The following TAFA1 variants were observed in gnomAD, a reference collection of about 807,000 sequenced individuals.
TAFA1 encodes chemokine-like protein TAFA-1.
A neutral mutation model predicts 18.5 loss-of-function variants in TAFA1; 4 were observed. The ratio of observed to expected loss-of-function variants is 0.22; its 90% confidence interval spans 0.11 to 0.49. The LOEUF (loss-of-function observed/expected upper bound fraction) is 0.49, where lower values mean the gene tolerates loss of function less well. Ranked by LOEUF, TAFA1 falls within the 20% of genes least tolerant of loss-of-function variation. TAFA1 has a pLI of 0.98. For synonymous variants in TAFA1, 56 were observed against 55.2 expected (o/e 1.01, Z -0.06); for missense variants, 147 against 169.0 (o/e 0.87, Z 0.72).
intron 2 of TAFA1, among the ~76,000 whole-genome samples, chr3:68,233,305 TCTCTA>T (rs1442020272): frequency 2.6e-5 from 4 of 152,232 alleles, no homozygotes; most frequent in Non-Finnish European, 5.9e-5. Flanking sequence ...CTACAGCTTC[TCTCTA>T]CTCTGTTGAT....
chr3:68,273,530 G>A (rs1337025593), intron 2 of TAFA1, among the ~76,000 whole-genome samples: 2 of 152,176 alleles, frequency 1.3e-5, no homozygotes, highest in East Asian at 1.9e-4. Flanking sequence ...AGCTAAGCAG[G>A]TAAGATTACC....
In TAFA1 at chr3:68,046,350, G is replaced by A. The variant is rs140860453; in HGVS notation, c.118+39606G>A. 2.1e-3 allele frequency among the ~76,000 whole-genome samples: 325 copies of A among 152,166 alleles called. 1 individual carries two copies. The highest frequency in any genetic ancestry group is 7.2e-3 in the African/African-American group (300 of 41,520). Reference sequence around the variant, plus strand: ...CCTTAAAGCAAAGACATAGTTAACCGACTTCTAAATGTATAACTATTTCAT... The same window carrying A: ...CCTTAAAGCAAAGACATAGTTAACCAACTTCTAAATGTATAACTATTTCAT... On this transcript the variant is annotated intron_variant, in intron 2 of 4. Coordinates refer to ENST00000478136, the MANE Select transcript of TAFA1 (RefSeq NM_213609.4).
chr3:68,305,391 CTATATATGACTATATGACTATATA>C (rs2068387240), intron 2 of TAFA1, among the ~76,000 whole-genome samples: 1 of 82,352 alleles, frequency 1.2e-5, no homozygotes, highest in Non-Finnish European at 2.4e-5. Context: ...ATATATATGA[CTATATATGACTATATGACTATATA>C]TATATATATA....
At chr3:68,240,525 G>C (rs1456662425) in intron 2 of TAFA1, among the ~76,000 whole-genome samples, 2 of 152,182 alleles carry the variant, frequency 1.3e-5, no homozygotes, top group Non-Finnish European at 2.9e-5. Context: ...CAGCTGCATA[G>C]AGAGAAGGAG....
chr3:68,080,030 G>A (rs1242646618), intron 2 of TAFA1, among the ~76,000 whole-genome samples: 1 of 151,954 alleles, frequency 6.6e-6, no homozygotes, highest in South Asian at 2.1e-4. Flanking sequence ...AGGATAGTTA[G>A]CTCTTCTTGT....
At chr3:68,305,906 G>A (rs184226834) in intron 2 of TAFA1, among the ~76,000 whole-genome samples, 82 of 152,188 alleles carry the variant, frequency 5.4e-4, no homozygotes, top group Admixed American at 3.7e-3. Context: ...ACACTACAAG[G>A]CAGCTGTAAG....
At chr3:68,265,040 A>G (rs2067516200) in intron 2 of TAFA1, among the ~76,000 whole-genome samples, 1 of 152,228 alleles carries the variant, frequency 6.6e-6, no homozygotes, top group Admixed American at 6.5e-5. Flanking sequence ...AATATATGAA[A>G]TTTAAAAACT....
chr3:68,285,170 C>CA (rs773217092), intron 2 of TAFA1, among the ~76,000 whole-genome samples: 2 of 151,980 alleles, frequency 1.3e-5, no homozygotes, highest in East Asian at 1.9e-4. Flanking sequence ...AGAAGCAAGG[C>CA]AAAAAGAGTT....
chr3:68,343,865 T>A (rs1456859851), intron 2 of TAFA1, among the ~76,000 whole-genome samples: 1 of 152,230 alleles, frequency 6.6e-6, no homozygotes, highest in Admixed American at 6.5e-5. Flanking sequence ...ATTTTTGAGA[T>A]GGAGTTTTGC....
chr3:68,068,858 G>A (rs1052683850), intron 2 of TAFA1, among the ~76,000 whole-genome samples: 52 of 152,168 alleles, frequency 3.4e-4, no homozygotes, highest in African/African-American at 1.2e-3. Context: ...CGTATTATGT[G>A]AGAATTTGCG....
chr3:68,231,041 A>G (rs925500871), intron 2 of TAFA1, among the ~76,000 whole-genome samples: 8 of 152,172 alleles, frequency 5.3e-5, no homozygotes, highest in Non-Finnish European at 8.8e-5. Flanking sequence ...GTGTATTTTT[A>G]TCAAAGACAA....
At chr3:68,069,127 T>C (rs1039296730) in intron 2 of TAFA1, among the ~76,000 whole-genome samples, 1 of 152,324 alleles carries the variant, frequency 6.6e-6, no homozygotes, top group East Asian at 1.9e-4. Flanking sequence ...TAATGGTTTG[T>C]ATGCACCATA....
intron 2 of TAFA1, among the ~76,000 whole-genome samples, chr3:68,329,262 T>G (rs2068826234): frequency 7.1e-6 from 1 of 140,182 alleles, no homozygotes; most frequent in South Asian, 2.5e-4. Flanking sequence ...GAGACGGGGT[T>G]TCACCACGTT....
chr3:68,056,899 A>C (rs1372467251), intron 2 of TAFA1, among the ~76,000 whole-genome samples: 1 of 152,126 alleles, frequency 6.6e-6, no homozygotes, highest in Non-Finnish European at 1.5e-5. Flanking sequence ...GAGTAGGGAA[A>C]ATTAGCATTT....
intron 2 of TAFA1, among the ~76,000 whole-genome samples, chr3:68,191,737 G>A (rs1398264842): frequency 6.6e-6 from 1 of 151,684 alleles, no homozygotes; most frequent in African/African-American, 2.4e-5. Flanking sequence ...AACATATTAG[G>A]TAAACTTGGT....
intron 3 of TAFA1, among the ~76,000 whole-genome samples, chr3:68,536,920 T>C (rs1010939968): frequency 6.6e-6 from 1 of 152,212 alleles, no homozygotes; most frequent in Non-Finnish European, 1.5e-5. Context: ...TAAGGATATA[T>C]TTTTATCTAA....
At chr3:68,387,395 G>C (rs115234451) in intron 2 of TAFA1, among the ~76,000 whole-genome samples, 1 of 152,062 alleles carries the variant, frequency 6.6e-6, no homozygotes, top group African/African-American at 2.4e-5. Context: ...TTGATTAAAC[G>C]TAATGTTCGT....
intron 2 of TAFA1, among the ~76,000 whole-genome samples, chr3:68,224,838 TG>T (rs2066776334): frequency 6.7e-6 from 1 of 149,194 alleles, no homozygotes; most frequent in African/African-American, 2.5e-5. Flanking sequence ...CCAGGAGGTG[TG>T]GGCCTGTGAT....
intron 3 of TAFA1, among the ~76,000 whole-genome samples, chr3:68,514,719 G>GAAAA (rs11388134): frequency 6.8e-6 from 1 of 147,388 alleles, no homozygotes; most frequent in Non-Finnish European, 1.5e-5. Context: ...ACCCAGCAAT[G>GAAAA]AAAAAAAAAA....
Sources: allele counts gnomAD v4.1 joint callset (sites outside exome capture counted in the v4.1 genomes callset), GRCh38; gene constraint gnomAD v4.1.1; transcripts MANE v1.5; gene names NCBI Gene and HGNC (gene_info 2026-07-23, HGNC 2026-07-21).